Variants in NRCAM observed in about 807,000 individuals in gnomAD.
The protein encoded by NRCAM is neuronal cell adhesion molecule.
NRCAM carries 83 observed loss-of-function variants against 156.5 expected under a neutral mutation model. That is an observed-to-expected ratio of 0.53 (90% CI 0.44 to 0.64). The LOEUF (loss-of-function observed/expected upper bound fraction) is 0.64, where lower values mean the gene tolerates loss of function less well. Among genes scored for constraint, NRCAM ranks in the 30% least tolerant of loss-of-function variants. NRCAM has a pLI of 0.00. For synonymous variants in NRCAM, 538 were observed against 563.9 expected (o/e 0.95, Z 0.65); for missense variants, 1,417 against 1,597.3 (o/e 0.89, Z 1.92).
At chr7:108,281,825 G>C (rs1385789523) in intron 3 of NRCAM, among the ~76,000 whole-genome samples, 1 of 152,252 alleles carries the variant, frequency 6.6e-6, no homozygotes, top group African/African-American at 2.4e-5. Flanking sequence ...TGGGCAAACT[G>C]GATGTAATAA....
intron 4 of NRCAM, among the ~76,000 whole-genome samples, chr7:108,238,942 T>TA (rs2095341315): frequency 1.3e-5 from 2 of 151,854 alleles, no homozygotes; most frequent in Admixed American, 6.6e-5. Context: ...ATAATAATAA[T>TA]AATAAATAAA....
intron 22 of NRCAM, among the ~76,000 whole-genome samples, chr7:108,183,411 T>TCTAA (rs34116526): frequency 1.5e-4 from 3 of 19,864 alleles, no homozygotes; most frequent in Non-Finnish European, 8.4e-4. Context: ...CATGTATGGC[T>TCTAA]CTAAAATAGG....
chr7:108,276,618 C>G (rs2097635343), intron 3 of NRCAM, among the ~76,000 whole-genome samples: 2 of 151,762 alleles, frequency 1.3e-5, no homozygotes, highest in South Asian at 4.2e-4. Flanking sequence ...TTATTTTGAG[C>G]CTATGTGTGT....
At chr7:108,252,627 G>C (rs150679123) in intron 3 of NRCAM, among the ~76,000 whole-genome samples, 109 of 147,220 alleles carry the variant, frequency 7.4e-4, no homozygotes, top group African/African-American at 2.7e-3. Flanking sequence ...TTTTATCAAA[G>C]TTGGTTATAA....
At chr7:108,344,699 G>A (rs1421173730) in intron 2 of NRCAM, among the ~76,000 whole-genome samples, 7 of 152,078 alleles carry the variant, frequency 4.6e-5, no homozygotes, top group Admixed American at 1.3e-4. Context: ...TTTATTAAAT[G>A]ACTATTACAT....
intron 22 of NRCAM, among the ~76,000 whole-genome samples, chr7:108,183,371 T>C (rs2064634367): frequency 1.3e-5 from 2 of 149,382 alleles, no homozygotes; most frequent in Non-Finnish European, 3.0e-5. Context: ...AATATAAGTA[T>C]GTACATATAT....
chr7:108,293,910 T>A (rs35882257), intron 3 of NRCAM, among the ~76,000 whole-genome samples: 2,608 of 152,314 alleles, frequency 0.017, 36 homozygotes, highest in Middle Eastern at 0.031. Context: ...CATGTGCTGA[T>A]TAATTCACCT....
chr7:108,170,559 C>G (rs1285690275), intron 28 of NRCAM, among the ~76,000 whole-genome samples: 1 of 152,198 alleles, frequency 6.6e-6, no homozygotes, highest in Non-Finnish European at 1.5e-5. Context: ...CTCCCTGCTT[C>G]GAGTTGTCCC....
intron 32 of NRCAM, among the ~76,000 whole-genome samples, chr7:108,153,890 G>T (rs1310982089): frequency 6.6e-6 from 1 of 152,078 alleles, no homozygotes; most frequent in Admixed American, 6.6e-5. Flanking sequence ...GACCTCCGAA[G>T]AAAATAAAAC....
intron 26 of NRCAM, 101 bp from the exon 27 acceptor site, chr7:108,176,707 A>G: frequency 2.3e-6 from 2 of 864,344 alleles, no homozygotes; most frequent in Non-Finnish European, 3.5e-6. Flanking sequence ...CCTGGCTTAC[A>G]TTGACTTTTA....
At chr7:108,358,719 C>T (rs2099526123) in intron 2 of NRCAM, among the ~76,000 whole-genome samples, 1 of 152,168 alleles carries the variant, frequency 6.6e-6, no homozygotes, top group South Asian at 2.1e-4. Context: ...AAGTCACTCC[C>T]TCCTGTCAAG....
chr7:108,254,558 T>G (rs1051758838), intron 3 of NRCAM, among the ~76,000 whole-genome samples: 1 of 150,410 alleles, frequency 6.6e-6, no homozygotes, highest in Non-Finnish European at 1.5e-5. Context: ...TTGCTTTTTT[T>G]TTTTTTTTGA....
At chr7:108,261,081 G>A (rs1361371227) in intron 3 of NRCAM, among the ~76,000 whole-genome samples, 2 of 151,992 alleles carry the variant, frequency 1.3e-5, no homozygotes, top group Non-Finnish European at 2.9e-5. Context: ...GGACAGAAAG[G>A]GGCTGAAAAC....
intron 2 of NRCAM, among the ~76,000 whole-genome samples, chr7:108,315,599 G>A (rs1457320705): frequency 6.6e-6 from 1 of 152,156 alleles, no homozygotes; most frequent in African/African-American, 2.4e-5. Flanking sequence ...CAACCTAGCT[G>A]GCTGGGGTCC....
chr7:108,400,538 G>A (rs1038754496), intron 1 of NRCAM, among the ~76,000 whole-genome samples: 12 of 152,112 alleles, frequency 7.9e-5, no homozygotes, highest in South Asian at 6.2e-4. Flanking sequence ...GGAATGGCAC[G>A]CAACTGTCAA....
chr7:108,234,415 A>T lies in NRCAM; in HGVS notation c.230+168T>A, dbSNP rs79715580. 7.2e-3 allele frequency among the ~76,000 whole-genome samples: 1,099 copies of T among 152,308 alleles called. 21 individuals carry two copies. Among genetic ancestry groups the T allele is most frequent in the African/African-American group, 0.025 (1,039 of 41,556 alleles). On this transcript the variant is annotated intron_variant, in intron 6 of 32. Coordinates refer to ENST00000379028, the MANE Select transcript of NRCAM (RefSeq NM_001037132.4). ...GAAGGGCTGAAATGGGCTGGGATAG[A>T]TGAACCAAAGGGCAATCTAGTGAGT...
intron 3 of NRCAM, among the ~76,000 whole-genome samples, chr7:108,264,124 C>T (rs1041306576): frequency 2.6e-5 from 4 of 151,190 alleles, no homozygotes; most frequent in African/African-American, 7.3e-5. Flanking sequence ...ATTACAGGTG[C>T]GTGCCACCAC....
intron 2 of NRCAM, among the ~76,000 whole-genome samples, chr7:108,319,402 C>T (rs1317087373): frequency 2.0e-5 from 3 of 152,172 alleles, no homozygotes; most frequent in African/African-American, 7.2e-5. Context: ...AATCCCTGCC[C>T]TCATAGAGCA....
chr7:108,303,362 G>A (rs2098660937), intron 3 of NRCAM, among the ~76,000 whole-genome samples: 2 of 152,064 alleles, frequency 1.3e-5, no homozygotes, highest in African/African-American at 4.8e-5. Context: ...ATTCTCAGTT[G>A]GCAAATATAC....
Sources: gnomAD v4.1 joint callset for allele counts (sites outside exome capture counted in the v4.1 genomes callset) on GRCh38, gnomAD v4.1.1 for gene constraint, MANE v1.5 for transcripts, NCBI Gene and HGNC (gene_info 2026-07-23, HGNC 2026-07-21) for gene names.